Variants in CBR4 observed in about 807,000 individuals in gnomAD.
CBR4 encodes the protein 3-oxoacyl-[acyl-carrier-protein] reductase.
CBR4 carries 22 observed loss-of-function variants against 21.0 expected under a neutral mutation model. That is an observed-to-expected ratio of 1.05 (90% CI 0.75 to 1.50). The LOEUF is 1.50. CBR4 is among the 40% of genes most tolerant of loss of function. CBR4 has a pLI of 0.00. For synonymous variants in CBR4, 100 were observed against 104.4 expected (o/e 0.96, Z 0.26); for missense variants, 302 against 286.3 (o/e 1.05, Z -0.40).
intron 2 of CBR4, chr4:168,898,309 T>C: frequency 1.6e-6 from 1 of 625,744 alleles, no homozygotes. Flanking sequence ...CAATCTGAAA[T>C]ACCACATAAA....
chr4:168,898,275 T>C, intron 2 of CBR4: 1 of 578,922 alleles, frequency 1.7e-6, no homozygotes, highest in Non-Finnish European at 3.1e-6. Flanking sequence ...TACCCCCCTC[T>C]TTTTGGATGA....
intron 3 of CBR4, among the ~76,000 whole-genome samples, chr4:169,003,517 T>C (rs1730640560): frequency 6.6e-6 from 1 of 152,244 alleles, no homozygotes; most frequent in African/African-American, 2.4e-5. Flanking sequence ...GGATTTAGAA[T>C]ATCCTATAAA....
At chr4:168,978,481 G>A (rs1300683230) in intron 2 of CBR4, among the ~76,000 whole-genome samples, 1 of 152,172 alleles carries the variant, frequency 6.6e-6, no homozygotes, top group East Asian at 1.9e-4. Flanking sequence ...AAAAAGACAG[G>A]ACAGCTGCCC....
intron 2 of CBR4, among the ~76,000 whole-genome samples, chr4:168,976,925 T>C (rs939983744): frequency 1.3e-5 from 2 of 152,222 alleles, no homozygotes; most frequent in Non-Finnish European, 2.9e-5. Flanking sequence ...ATATGATGGC[T>C]TAGCTTGGGC....
At chr4:168,979,821 C>T (rs1353381310) in intron 2 of CBR4, among the ~76,000 whole-genome samples, 2 of 152,186 alleles carry the variant, frequency 1.3e-5, no homozygotes, top group Admixed American at 1.3e-4. Context: ...ACTGACAGCT[C>T]CTCTGCCACT....
At chr4:168,925,899 G>A (rs368241513) in intron 2 of CBR4, among the ~76,000 whole-genome samples, 4 of 152,072 alleles carry the variant, frequency 2.6e-5, no homozygotes, top group African/African-American at 7.2e-5. Flanking sequence ...TAAAAGGAGA[G>A]GGGGGATGAG....
intron 3 of CBR4, chr4:169,006,025 A>G (rs1730884696): frequency 1.6e-6 from 1 of 631,850 alleles, no homozygotes; most frequent in African/African-American, 1.9e-5. Flanking sequence ...TTCTACAGGC[A>G]TATACTCCAC....
At chr4:168,933,710 A>C (rs1314875742) in intron 2 of CBR4, among the ~76,000 whole-genome samples, 2 of 152,222 alleles carry the variant, frequency 1.3e-5, no homozygotes, top group Non-Finnish European at 2.9e-5. Context: ...AATAGAATAC[A>C]CATTCTTTTT....
At chr4:168,946,949 A>G (rs2126691891) in intron 2 of CBR4, among the ~76,000 whole-genome samples, 1 of 152,320 alleles carries the variant, frequency 6.6e-6, no homozygotes, top group African/African-American at 2.4e-5. Context: ...TGCTTTTAAA[A>G]ATTACTTTAA....
intron 2 of CBR4, among the ~76,000 whole-genome samples, chr4:168,948,743 T>C (rs1447749569): frequency 6.6e-6 from 1 of 152,228 alleles, no homozygotes. Flanking sequence ...TTTATACCAG[T>C]ACCATGCTGT....
intron 2 of CBR4, among the ~76,000 whole-genome samples, chr4:168,895,980 C>T (rs907088308): frequency 1.3e-5 from 2 of 152,128 alleles, no homozygotes; most frequent in African/African-American, 2.4e-5. Flanking sequence ...AGGCCAAGAC[C>T]GGGTGGATTA....
At chr4:168,961,768 T>C (rs986571744) in intron 2 of CBR4, among the ~76,000 whole-genome samples, 1 of 152,160 alleles carries the variant, frequency 6.6e-6, no homozygotes, top group Non-Finnish European at 1.5e-5. Context: ...AAGGCGCCTG[T>C]AATCCCAGCT....
intron 4 of CBR4, among the ~76,000 whole-genome samples, chr4:168,994,263 C>A (rs1219819072): frequency 6.6e-6 from 1 of 152,226 alleles, no homozygotes; most frequent in Non-Finnish European, 1.5e-5. Context: ...GCCCTTAAGG[C>A]ACAGATCGCT....
At chr4:168,905,395 G>A (rs971325184) in intron 2 of CBR4, among the ~76,000 whole-genome samples, 4 of 151,642 alleles carry the variant, frequency 2.6e-5, no homozygotes, top group Middle Eastern at 3.4e-3. Context: ...TGATCCGCCC[G>A]CCTCGGCCTC....
At chr4:168,955,889 G>A (rs1252082243) in intron 2 of CBR4, among the ~76,000 whole-genome samples, 3 of 152,144 alleles carry the variant, frequency 2.0e-5, no homozygotes, top group Non-Finnish European at 4.4e-5. Flanking sequence ...AGATTAAAAT[G>A]AGTCAGACCC....
At chr4:168,955,793 A>G (rs778700944) in intron 2 of CBR4, among the ~76,000 whole-genome samples, 28 of 152,338 alleles carry the variant, frequency 1.8e-4, no homozygotes, top group Non-Finnish European at 3.7e-4. Flanking sequence ...CTATGGGCCT[A>G]GAGCATAAAA....
chr4:168,940,448 A>C (rs1233846235), intron 2 of CBR4, among the ~76,000 whole-genome samples: 1 of 152,242 alleles, frequency 6.6e-6, no homozygotes, highest in Non-Finnish European at 1.5e-5. Context: ...ATGGGATCTA[A>C]TTAAACTAAA....
chr4:168,899,026 G>A (rs529612782), intron 2 of CBR4, among the ~76,000 whole-genome samples: 12 of 152,278 alleles, frequency 7.9e-5, no homozygotes, highest in South Asian at 4.1e-4. Flanking sequence ...TCTGTGAAGT[G>A]AGTTTCCAAG....
At chr4:168,941,708 CCA>C (rs2126679810) in intron 2 of CBR4, among the ~76,000 whole-genome samples, 1 of 152,332 alleles carries the variant, frequency 6.6e-6, no homozygotes, top group Admixed American at 6.5e-5. Flanking sequence ...TCCTATTTCT[CCA>C]CAGTCGCCCC....
Sources: allele counts gnomAD v4.1 joint callset (sites outside exome capture counted in the v4.1 genomes callset), GRCh38; gene constraint gnomAD v4.1.1; transcripts MANE v1.5; gene names NCBI Gene and HGNC (gene_info 2026-07-23, HGNC 2026-07-21).